NAALADL2: variants seen among roughly 807,000 people sequenced by gnomAD.
The protein encoded by NAALADL2 is inactive N-acetylated-alpha-linked acidic dipeptidase-like protein 2.
In NAALADL2, 76 loss-of-function variants were observed where a neutral mutation model predicts 87.2. That is an observed-to-expected ratio of 0.87 (90% CI 0.72 to 1.05). NAALADL2 has a LOEUF of 1.05. Among genes scored for constraint, NAALADL2 ranks in the 50% least tolerant of loss-of-function variants. NAALADL2 has a pLI of 0.00. For missense variants in NAALADL2, 1,089 were observed against 945.8 expected (o/e 1.15, Z -1.99); for synonymous variants, 354 against 331.0 (o/e 1.07, Z -0.75).
In NAALADL2 at chr3:175,502,228, G is replaced by GGTGTGTGTGT. The variant is rs3040528; in HGVS notation, c.1653+30489_1653+30498dup. Reference sequence around the variant, plus strand: ...AGATATTTGGCAAACCATTATCCTGGGTGTGTGTGTGTGTGTGTGTGTGTG... The same window carrying GGTGTGTGTGT: ...AGATATTTGGCAAACCATTATCCTGGGTGTGTGTGTGTGTGTGTGTGTGTGTGTGTGTGTG... On this transcript the variant is annotated intron_variant, in intron 9 of 13. Transcript: ENST00000454872. Among the ~76,000 whole-genome samples, 842 of 147,378 alleles carry GGTGTGTGTGT rather than the reference G, an allele frequency of 5.7e-3. 8 individuals carry two copies. The highest frequency in any genetic ancestry group is 0.02 in the African/African-American group (789 of 40,166).
intron 5 of NAALADL2, among the ~76,000 whole-genome samples, chr3:175,359,765 A>G (rs1375868828): frequency 2.0e-5 from 3 of 152,112 alleles, no homozygotes; most frequent in Admixed American, 6.6e-5. Context: ...TAAAAGTGCT[A>G]TGGGTTTATC....
chr3:175,652,556 G>A (rs1314813686), intron 11 of NAALADL2, among the ~76,000 whole-genome samples: 5 of 145,466 alleles, frequency 3.4e-5, no homozygotes, highest in Non-Finnish European at 5.9e-5. Flanking sequence ...TCGGCTCACT[G>A]CAAGCTCCGC....
At chr3:175,199,833 TATATA>T (rs1231417306) in intron 2 of NAALADL2, among the ~76,000 whole-genome samples, 1 of 12,042 alleles carries the variant, frequency 8.3e-5, no homozygotes, top group Non-Finnish European at 1.5e-4. Flanking sequence ...TATATATATA[TATATA>T]TATATATATA....
chr3:174,762,581 A>C (rs1337255662), intron 3 of NAALADL2, among the ~76,000 whole-genome samples: 4 of 151,918 alleles, frequency 2.6e-5, no homozygotes, highest in African/African-American at 9.7e-5. Context: ...ATTTATGGAA[A>C]GAAGGGAGTG....
At chr3:175,608,863 T>C (rs946933893) in intron 10 of NAALADL2, among the ~76,000 whole-genome samples, 3 of 152,180 alleles carry the variant, frequency 2.0e-5, no homozygotes, top group African/African-American at 7.2e-5. Flanking sequence ...GCTTACCTTT[T>C]ATTTATATAA....
chr3:175,372,420 A>T (rs1397250825), intron 5 of NAALADL2, among the ~76,000 whole-genome samples: 1 of 152,316 alleles, frequency 6.6e-6, no homozygotes, highest in African/African-American at 2.4e-5. Flanking sequence ...TTCTCTAAAT[A>T]TTTTTCTCAC....
rs574138315 is a variant in NAALADL2 at position 175,158,399 on chromosome 3, T to C, written c.545+61108T>C. 2.0e-5 allele frequency among the ~76,000 whole-genome samples: 3 copies of C among 151,116 alleles called. No homozygotes were observed. In the South Asian group the frequency reaches 6.3e-4, roughly 32 times the overall value. On this transcript the variant is annotated intron_variant, in intron 2 of 13. Transcript: ENST00000454872. ...TATTTTGAATTGGTAGCTCAACAAG[T>C]AAAGCCATCATCAGGAACCCAAAAC...
In NAALADL2 at chr3:175,451,455, A is replaced by T. The variant is rs76398242; in HGVS notation, c.1234+4083A>T. Among the ~76,000 whole-genome samples, 1,418 of 152,224 alleles carry T rather than the reference A, an allele frequency of 9.3e-3. 17 individuals carry two copies. The highest frequency in any genetic ancestry group is 0.031 in the African/African-American group (1,302 of 41,544). On this transcript the variant is annotated intron_variant, in intron 6 of 13. Transcript: ENST00000454872. ...TTTTGAATGGTCTTTTTCTTTGTAGACCTGACCCATTCATTCAACGTATTG... is the reference window on the plus strand; with the variant it reads ...TTTTGAATGGTCTTTTTCTTTGTAGTCCTGACCCATTCATTCAACGTATTG...
At chr3:175,297,064 A>C (rs1756476650) in intron 4 of NAALADL2, among the ~76,000 whole-genome samples, 1 of 152,128 alleles carries the variant, frequency 6.6e-6, no homozygotes, top group Admixed American at 6.6e-5. Context: ...TTTGTAAATA[A>C]AGTTTTATTG....
intron 11 of NAALADL2, among the ~76,000 whole-genome samples, chr3:175,660,125 A>G (rs1275191831): frequency 6.6e-6 from 1 of 152,132 alleles, no homozygotes; most frequent in African/African-American, 2.4e-5. Context: ...GGCCTCTTTT[A>G]TAAGGGAACT....
At chr3:174,913,438 C>T (rs543135987) in intron 1 of NAALADL2, among the ~76,000 whole-genome samples, 37 of 152,094 alleles carry the variant, frequency 2.4e-4, no homozygotes, top group Non-Finnish European at 4.4e-4. Context: ...TCTTTTGTTG[C>T]TGCTGCCTCA....
chr3:174,797,342 C>T (rs1255169331), intron 3 of NAALADL2, among the ~76,000 whole-genome samples: 6 of 101,680 alleles, frequency 5.9e-5, no homozygotes, highest in South Asian at 3.3e-4. Flanking sequence ...GACAGAGTCT[C>T]GCTTTGTCAC....
chr3:174,851,321 TG>T (rs1560286467), intron 3 of NAALADL2, among the ~76,000 whole-genome samples: 1 of 147,776 alleles, frequency 6.8e-6, no homozygotes, highest in East Asian at 2.0e-4. Flanking sequence ...AGAAGGTTTT[TG>T]GGGGAAAGAT....
intron 5 of NAALADL2, among the ~76,000 whole-genome samples, chr3:175,393,605 T>G (rs967403196): frequency 1.3e-4 from 20 of 152,154 alleles, no homozygotes; most frequent in Admixed American, 1.2e-3. Flanking sequence ...GTGCTCACCC[T>G]ATGCACTCTC....
At chr3:175,340,182 T>C (rs1038665147) in intron 5 of NAALADL2, among the ~76,000 whole-genome samples, 1 of 152,176 alleles carries the variant, frequency 6.6e-6, no homozygotes, top group Admixed American at 6.6e-5. Flanking sequence ...ATAGAAGAAA[T>C]GTTACAAATT....
chr3:175,398,027 CA>C (rs1465686526), intron 5 of NAALADL2, among the ~76,000 whole-genome samples: 2 of 151,834 alleles, frequency 1.3e-5, no homozygotes, highest in Admixed American at 1.3e-4. Context: ...ATTGTGCCCC[CA>C]AAACAAACAA....
chr3:174,943,410 C>T (rs543383205), intron 1 of NAALADL2, among the ~76,000 whole-genome samples: 2 of 152,134 alleles, frequency 1.3e-5, no homozygotes, highest in South Asian at 2.1e-4. Flanking sequence ...CCCTGTGTTT[C>T]CTCACAGTTG....
chr3:174,859,487 C>G, intron 1 of NAALADL2, 37 bp downstream of exon 1: 1 of 1,550,740 alleles, frequency 6.4e-7, no homozygotes. Context: ...TCACTTTTCA[C>G]AATCAGAAAC....
chr3:175,373,897 C>A (rs1766792702), intron 5 of NAALADL2, among the ~76,000 whole-genome samples: 1 of 152,134 alleles, frequency 6.6e-6, no homozygotes, highest in Admixed American at 6.6e-5. Flanking sequence ...TTTCATTTCT[C>A]TGATAACAAA....
Sources: allele counts gnomAD v4.1 joint callset (sites outside exome capture counted in the v4.1 genomes callset), GRCh38; gene constraint gnomAD v4.1.1; transcripts MANE v1.5; gene names NCBI Gene and HGNC (gene_info 2026-07-23, HGNC 2026-07-21).